B3GALT1: variants seen among roughly 807,000 people sequenced by gnomAD.
B3GALT1 encodes UDP-Gal:betaGlcNAc beta 1,3-galactosyltransferase, polypeptide 1.
In B3GALT1, 10 loss-of-function variants were observed where a neutral mutation model predicts 23.2. The ratio of observed to expected loss-of-function variants is 0.43; its 90% CI spans 0.27 to 0.73. The LOEUF (loss-of-function observed/expected upper bound fraction) is 0.73, where lower values mean the gene tolerates loss of function less well. Among genes scored for constraint, B3GALT1 ranks in the 30% least tolerant of loss-of-function variants. The pLI, the probability that B3GALT1 is intolerant of heterozygous loss-of-function variation, is 0.21. For synonymous variants in B3GALT1, 156 were observed against 141.5 expected (o/e 1.10, Z -0.73); for missense variants, 299 against 405.4 (o/e 0.74, Z 2.25).
At chr2:167,444,621 G>C (rs1574081521) in intron 1 of B3GALT1, among the ~76,000 whole-genome samples, 5 of 152,070 alleles carry the variant, frequency 3.3e-5, no homozygotes, top group East Asian at 1.9e-4. Context: ...AGGAATTTAT[G>C]CATTTCTTCT....
chr2:167,559,935 GA>G (rs1163458427), intron 2 of B3GALT1, among the ~76,000 whole-genome samples: 4 of 152,078 alleles, frequency 2.6e-5, no homozygotes, highest in African/African-American at 9.7e-5. Flanking sequence ...CCAACGTTCA[GA>G]TTCAGGAAAT....
intron 2 of B3GALT1, among the ~76,000 whole-genome samples, chr2:167,527,893 T>A (rs1683249529): frequency 6.6e-6 from 1 of 152,204 alleles, no homozygotes; most frequent in African/African-American, 2.4e-5. Context: ...GTTATTTGTT[T>A]GTGTTAAATT....
At chr2:167,431,371 A>T (rs1698702054) in intron 1 of B3GALT1, among the ~76,000 whole-genome samples, 1 of 152,158 alleles carries the variant, frequency 6.6e-6, no homozygotes, top group Non-Finnish European at 1.5e-5. Flanking sequence ...GAGCCATGGG[A>T]GTTTTAATTT....
chr2:167,391,024 G>C (rs1262405006), intron 1 of B3GALT1, among the ~76,000 whole-genome samples: 2 of 152,128 alleles, frequency 1.3e-5, no homozygotes, highest in African/African-American at 4.8e-5. Context: ...TATGAAACTT[G>C]CTTTAAGATT....
chr2:167,717,505 C>T (rs1011301119), intron 3 of B3GALT1, among the ~76,000 whole-genome samples: 1 of 151,864 alleles, frequency 6.6e-6, no homozygotes, highest in Non-Finnish European at 1.5e-5. Flanking sequence ...AACTTTTCAA[C>T]TTACTTATTA....
rs983119704 is a variant in B3GALT1, at chr2:167,715,974, C to T, written c.-352+69008C>T. 3.7e-6 allele frequency: 6 copies of T among 1,612,548 alleles called. No individual in the cohort carries two copies. The African/African-American group carries it at 8.0e-5, about 22-fold the overall frequency. ...AAAACCATAAGGATTCGAATCTTGTCTCATACTCTCAGGTAGTGCTGCCAC... is the reference window on the plus strand; with the variant it reads ...AAAACCATAAGGATTCGAATCTTGTTTCATACTCTCAGGTAGTGCTGCCAC... On this transcript the variant is annotated intron_variant, in intron 3 of 4. Coordinates refer to ENST00000392690, the MANE Select transcript of B3GALT1 (RefSeq NM_020981.4).
chr2:167,823,714 C>G (rs938641050), intron 4 of B3GALT1, among the ~76,000 whole-genome samples: 34 of 152,196 alleles, frequency 2.2e-4, no homozygotes, highest in Non-Finnish European at 5.9e-5. Context: ...CCAGCTCATT[C>G]CAAGTACACA....
chr2:167,587,459 C>T (rs879944812), intron 2 of B3GALT1, among the ~76,000 whole-genome samples: 9 of 152,152 alleles, frequency 5.9e-5, no homozygotes, highest in Non-Finnish European at 1.2e-4. Context: ...GGTAATAAGG[C>T]ACAGAGAATA....
At chr2:167,701,104 C>G (rs1686875505) in intron 3 of B3GALT1, among the ~76,000 whole-genome samples, 1 of 152,040 alleles carries the variant, frequency 6.6e-6, no homozygotes, top group East Asian at 1.9e-4. Context: ...AGACAAAAAA[C>G]AAATTAACAA....
chr2:167,301,360 G>T (rs564982665), intron 1 of B3GALT1, among the ~76,000 whole-genome samples: 1 of 152,246 alleles, frequency 6.6e-6, no homozygotes, highest in Non-Finnish European at 1.5e-5. Flanking sequence ...TCCTTTCTGG[G>T]TACCATCACT....
chr2:167,502,012 A>G (rs376902368), intron 2 of B3GALT1, among the ~76,000 whole-genome samples: 11 of 152,232 alleles, frequency 7.2e-5, no homozygotes, highest in East Asian at 3.9e-4. Context: ...TCTACATCCT[A>G]TTTTTATCTC....
intron 2 of B3GALT1, among the ~76,000 whole-genome samples, chr2:167,600,357 G>A (rs1684853080): frequency 6.6e-6 from 1 of 152,002 alleles, no homozygotes; most frequent in Admixed American, 6.6e-5. Flanking sequence ...CTATTTATTT[G>A]CTAACAATTT....
intron 3 of B3GALT1, among the ~76,000 whole-genome samples, chr2:167,735,485 G>A (rs1398249329): frequency 6.6e-6 from 1 of 152,222 alleles, no homozygotes; most frequent in Non-Finnish European, 1.5e-5. Context: ...GTGCTTTGCT[G>A]TCTTAGCAGG....
At chr2:167,676,065 C>G (rs1233049120) in intron 3 of B3GALT1, among the ~76,000 whole-genome samples, 1 of 151,934 alleles carries the variant, frequency 6.6e-6, no homozygotes, top group East Asian at 1.9e-4. Context: ...TGTTGGCCCC[C>G]TAAGGGCCTA....
At chr2:167,512,592 GT>G (rs1700032750) in intron 2 of B3GALT1, among the ~76,000 whole-genome samples, 1 of 39,608 alleles carries the variant, frequency 2.5e-5, no homozygotes, top group African/African-American at 1.9e-4. Flanking sequence ...ATATATATAT[GT>G]GTATATATAT....
At chr2:167,535,415 A>G (rs1272327789) in intron 2 of B3GALT1, among the ~76,000 whole-genome samples, 1 of 152,162 alleles carries the variant, frequency 6.6e-6, no homozygotes, top group Non-Finnish European at 1.5e-5. Context: ...GCCACCTGCA[A>G]TGTAACTTCA....
At chr2:167,794,292 T>C (rs1688502558) in intron 3 of B3GALT1, among the ~76,000 whole-genome samples, 1 of 152,252 alleles carries the variant, frequency 6.6e-6, no homozygotes, top group South Asian at 2.1e-4. Flanking sequence ...TGAATGTATG[T>C]TTTATTCAAA....
At chr2:167,559,569 C>T (rs1020702156) in intron 2 of B3GALT1, among the ~76,000 whole-genome samples, 11 of 152,134 alleles carry the variant, frequency 7.2e-5, no homozygotes, top group Non-Finnish European at 1.3e-4. Context: ...AAAATTTAGA[C>T]GAATGTATAG....
chr2:167,754,714 C>T (rs559306287), intron 3 of B3GALT1, among the ~76,000 whole-genome samples: 5 of 152,082 alleles, frequency 3.3e-5, no homozygotes, highest in Admixed American at 3.3e-4. Flanking sequence ...AGCACTAATC[C>T]CCAAGTCTAG....
Sources: allele counts gnomAD v4.1 joint callset (sites outside exome capture counted in the v4.1 genomes callset), GRCh38; gene constraint gnomAD v4.1.1; transcripts MANE v1.5; gene names NCBI Gene and HGNC (gene_info 2026-07-23, HGNC 2026-07-21).